The following ABCA13 variants were observed in gnomAD, a reference collection of about 807,000 sequenced individuals.
ABCA13 encodes ATP-binding cassette sub-family A member 13.
Under a neutral mutation model 478.7 loss-of-function variants are expected in ABCA13, and 476 were observed. The observed-to-expected ratio is 0.99, with a 90% CI of 0.92 to 1.07. The LOEUF (loss-of-function observed/expected upper bound fraction) is 1.07. Ranked by LOEUF, ABCA13 falls within the 50% of genes least tolerant of loss-of-function variation. The pLI is 0.00. For synonymous variants in ABCA13, 2,252 were observed against 2,158.9 expected, an observed-to-expected ratio of 1.04 and a Z score of -1.20; for missense variants, 6,060 against 5,910.6, an observed-to-expected ratio of 1.03 and a Z score of -0.83.
intron 16 of ABCA13, among the ~76,000 whole-genome samples, chr7:48,269,804 G>A (rs1224793292): frequency 1.3e-5 from 2 of 152,180 alleles, no homozygotes; most frequent in East Asian, 3.8e-4. Flanking sequence ...GGTGGTTCCA[G>A]TGCACACCAA....
At chr7:48,518,303 C>T (rs920391699) in intron 52 of ABCA13, among the ~76,000 whole-genome samples, 1 of 152,136 alleles carries the variant, frequency 6.6e-6, no homozygotes, top group Non-Finnish European at 1.5e-5. Flanking sequence ...TGAAAAGAGA[C>T]TCACAGTAGA....
Position 48,350,803 on chromosome 7 carries a change from G to C in ABCA13, c.10365G>C (p.Gln3455His), listed in dbSNP as rs766062799. 5 of 1,613,492 alleles carry C rather than the reference G, an allele frequency of 3.1e-6. No individual in the cohort carries two copies. In the African/African-American group the frequency reaches 5.3e-5, roughly 17 times the overall value. ...CTAAAGCACATGAACTCTTGCAGCA[G>C]AACAGCTTCTTGGCCAGTAAGTACT... Reference protein sequence around the residue: ...LETKAHELLQQNSFLASIIFS... With the variant: ...LETKAHELLQHNSFLASIIFS... Residue 3455 changes from glutamine to histidine, a missense_variant, in exon 30 of 62, where the codon CAG becomes CAC. Physicochemically the swap from Gln to His is conservative, Grantham distance 24. Coordinates refer to ENST00000435803, the MANE Select transcript of ABCA13 (RefSeq NM_152701.5).
Position 48,274,062 on chromosome 7 carries a change from G to T in ABCA13, c.4396G>T (p.Val1466Leu). ...TTGTGTCAATATTTACTTGAAAGAT[G>T]TAACTGACTTTCTAAATATTGTACT... The part of the protein sequence containing the change: ...INCVNIYLKD[V>L]TDFLNIVLTT... Residue 1466 changes from valine (V) to leucine (L), a missense_variant, in exon 17 of 62, where the codon GTA (valine) becomes TTA (leucine). Physicochemically the swap from Val to Leu is conservative, Grantham distance 32 (BLOSUM62 1). This residue lies in a region of ABCA13 where 4,423 missense variants were observed against 4,309.1 expected (regional missense o/e 1.03). Transcript: ENST00000435803. The T allele has an allele frequency of 6.2e-7, 1 of 1,605,586 alleles. No individual in the cohort carries two copies. The highest frequency in any genetic ancestry group is 8.5e-7 in the Non-Finnish European group (1 of 1,174,688).
chr7:48,337,122 C>G (rs540598620), intron 28 of ABCA13, among the ~76,000 whole-genome samples: 250 of 152,252 alleles, frequency 1.6e-3, no homozygotes, highest in Non-Finnish European at 3.0e-3. Context: ...AGTTGTTCCT[C>G]TATTTCTTAG....
At chr7:48,549,723 T>C (rs755058361) in intron 55 of ABCA13, among the ~76,000 whole-genome samples, 8 of 152,048 alleles carry the variant, frequency 5.3e-5, no homozygotes, top group African/African-American at 7.2e-5. Context: ...CTCACCAGCA[T>C]GTATTGTTTC....
chr7:48,461,635 GC>G (rs1274602082), intron 43 of ABCA13, among the ~76,000 whole-genome samples: 1 of 151,806 alleles, frequency 6.6e-6, no homozygotes, highest in Non-Finnish European at 1.5e-5. Flanking sequence ...GTACTTCATG[GC>G]CCCTCACCCT....
intron 55 of ABCA13, 45 bp from the exon 56 acceptor site, chr7:48,580,179 G>C (rs1397873011): frequency 1.2e-5 from 18 of 1,530,756 alleles, no homozygotes; most frequent in Middle Eastern, 3.5e-4. Context: ...GTTGGTGCCA[G>C]TTTGGGAAAC....
intron 55 of ABCA13, among the ~76,000 whole-genome samples, chr7:48,544,424 C>T (rs1252242873): frequency 6.6e-6 from 1 of 151,662 alleles, no homozygotes; most frequent in African/African-American, 2.4e-5. Flanking sequence ...GTTGGGACTT[C>T]CAGCCACACC....
intron 9 of ABCA13, 28 bp from the exon 10 acceptor site, chr7:48,240,839 G>T (rs1398585523): frequency 4.1e-6 from 6 of 1,468,900 alleles, no homozygotes; most frequent in Non-Finnish European, 5.4e-6. Flanking sequence ...TATTATTAAT[G>T]CTAGTATTTT....
At chr7:48,232,954 C>A (rs1789378496) in intron 7 of ABCA13, among the ~76,000 whole-genome samples, 1 of 152,168 alleles carries the variant, frequency 6.6e-6, no homozygotes, top group Admixed American at 6.5e-5. Flanking sequence ...CTAAGTGAGA[C>A]CTCCCATGGT....
chr7:48,598,424 A>G (rs990346992), intron 58 of ABCA13, among the ~76,000 whole-genome samples: 1 of 152,198 alleles, frequency 6.6e-6, no homozygotes, highest in Admixed American at 6.5e-5. Context: ...ACATATTTTC[A>G]ACTCCTTTGG....
intron 48 of ABCA13, among the ~76,000 whole-genome samples, chr7:48,500,294 G>T (rs115518028): frequency 5.9e-5 from 9 of 152,172 alleles, no homozygotes; most frequent in South Asian, 4.1e-4. Flanking sequence ...AAGGTGCAGG[G>T]TAGTGTGAGG....
At chr7:48,434,130 C>T (rs939298902) in intron 42 of ABCA13, among the ~76,000 whole-genome samples, 2 of 151,942 alleles carry the variant, frequency 1.3e-5, no homozygotes, top group African/African-American at 4.8e-5. Context: ...ACATTCCCAC[C>T]AGCCTGAACT....
chr7:48,498,260 A>T (rs941283449), intron 48 of ABCA13, among the ~76,000 whole-genome samples: 1 of 152,138 alleles, frequency 6.6e-6, no homozygotes, highest in Non-Finnish European at 1.5e-5. Context: ...AGATATTGCT[A>T]AAAAGTAGTT....
At position 48,516,853 on chromosome 7, in the gene ABCA13, G is replaced by A. The variant is rs763239336; in HGVS notation, c.13769G>A (p.Arg4590Gln). The change falls in exon 52 of 62, where the codon CGG becomes CAG. Residue 4590 changes from arginine to glutamine, a missense_variant. Physicochemically the swap from Arg to Gln is conservative, Grantham distance 43 (BLOSUM62 1). Transcript: ENST00000435803. ...ACCATGCTCATAACCATTATGCCCC[G>A]GTTGCTAGCCATCATCTCCAAAGCT... ...LCTMLITIMP[R>Q]LLAIISKAKN... The A allele has an allele frequency of 1.4e-5, 22 of 1,613,368 alleles. No individual in the cohort carries two copies. The highest frequency in any genetic ancestry group is 8.9e-5 in the East Asian group (4 of 44,830).
intron 44 of ABCA13, among the ~76,000 whole-genome samples, chr7:48,470,457 A>AT (rs1167126258): frequency 1.3e-5 from 2 of 152,114 alleles, no homozygotes; most frequent in African/African-American, 2.4e-5. Context: ...TATAAATGGA[A>AT]TTTTTTTTAA....
In ABCA13 at chr7:48,512,141, AAG is replaced by A. The variant is rs1355408623; in HGVS notation, c.13640+954_13640+955del. Among the ~76,000 whole-genome samples the A allele has an allele frequency of 2.0e-5, 3 of 151,474 alleles. No individual in the cohort carries two copies. In the South Asian group the frequency reaches 6.2e-4, roughly 31 times the overall value. Reference sequence around the variant, plus strand: ...TAAGAGAGAGAGGGAGAGAGAGATTAAGAGAGAGAGAGAAACAAGACAGACAG... The same window carrying A: ...TAAGAGAGAGAGGGAGAGAGAGATTAAGAGAGAGAGAAACAAGACAGACAG... On this transcript the variant is annotated intron_variant, in intron 51 of 61. Transcript: ENST00000435803.
At chr7:48,589,437 A>AT (rs1262928998) in intron 57 of ABCA13, among the ~76,000 whole-genome samples, 6 of 152,218 alleles carry the variant, frequency 3.9e-5, no homozygotes, top group Admixed American at 2.0e-4. Context: ...TAATTAACTG[A>AT]TAAAAATGGT....
intron 55 of ABCA13, 32 bp downstream of exon 55, chr7:48,528,377 T>C: frequency 7.0e-7 from 1 of 1,438,218 alleles, no homozygotes; most frequent in South Asian, 1.4e-5. Flanking sequence ...TTTTGTTGCT[T>C]AAAGAGATAA....
Sources: allele counts gnomAD v4.1 joint callset (sites outside exome capture counted in the v4.1 genomes callset), GRCh38; gene constraint gnomAD v4.1.1; regional missense constraint gnomAD v4.1.1; transcripts MANE v1.5; gene names NCBI Gene and HGNC (gene_info 2026-07-23, HGNC 2026-07-21).